Variants in GABRB2 observed in about 807,000 individuals in gnomAD.
The protein encoded by GABRB2 is gamma-aminobutyric acid receptor subunit beta-2.
In GABRB2, 16 loss-of-function variants were observed where a neutral mutation model predicts 54.7. That is an observed-to-expected ratio of 0.29 (90% confidence interval 0.20 to 0.44). GABRB2 has a LOEUF of 0.44. GABRB2 is among the 20% of genes least tolerant of loss of function. GABRB2 has a pLI of 1.00. For missense variants in GABRB2, 355 were observed against 644.0 expected (o/e 0.55, Z 4.86); for synonymous variants, 244 against 233.8 (o/e 1.04, Z -0.40).
chr5:161,363,263 C>A (rs1754871590), intron 5 of GABRB2, among the ~76,000 whole-genome samples: 1 of 152,082 alleles, frequency 6.6e-6, no homozygotes, highest in Admixed American at 6.5e-5. Flanking sequence ...TCATTTTCAG[C>A]AAACTAACAC....
At chr5:161,525,460 C>A (rs971489908) in intron 3 of GABRB2, among the ~76,000 whole-genome samples, 2 of 151,406 alleles carry the variant, frequency 1.3e-5, no homozygotes, top group East Asian at 3.9e-4. Context: ...AAAGTATTTT[C>A]TCTGTATTTT....
intron 3 of GABRB2, among the ~76,000 whole-genome samples, chr5:161,482,099 C>A (rs370471580): frequency 1.1e-4 from 16 of 152,034 alleles, no homozygotes; most frequent in African/African-American, 3.9e-4. Context: ...AAACTCCTTT[C>A]CCATTCTCAG....
intron 5 of GABRB2, among the ~76,000 whole-genome samples, chr5:161,370,417 G>A (rs1375690271): frequency 1.3e-5 from 2 of 152,250 alleles, no homozygotes; most frequent in East Asian, 1.9e-4. Context: ...GGAGAACTAC[G>A]TGACTTGGGA....
intron 3 of GABRB2, among the ~76,000 whole-genome samples, chr5:161,506,339 T>G (rs1759606178): frequency 1.3e-5 from 2 of 152,046 alleles, no homozygotes; most frequent in South Asian, 4.1e-4. Flanking sequence ...TCAGTGCAAA[T>G]AAGGTAAAAC....
At chr5:161,353,005 A>G (rs1754518931) in intron 5 of GABRB2, among the ~76,000 whole-genome samples, 1 of 152,160 alleles carries the variant, frequency 6.6e-6, no homozygotes, top group African/African-American at 2.4e-5. Flanking sequence ...GATACTGCTT[A>G]TATTTTCCAT....
At chr5:161,412,893 A>G (rs1359009725) in intron 4 of GABRB2, among the ~76,000 whole-genome samples, 1 of 152,064 alleles carries the variant, frequency 6.6e-6, no homozygotes, top group Non-Finnish European at 1.5e-5. Flanking sequence ...ATCTGAAATT[A>G]TTTTGCTTAT....
intron 9 of GABRB2, among the ~76,000 whole-genome samples, chr5:161,297,508 C>T (rs767845770): frequency 6.6e-6 from 1 of 152,120 alleles, no homozygotes; most frequent in Admixed American, 6.6e-5. Context: ...GTTCAACTCC[C>T]ACTTATGAGT....
chr5:161,469,590 C>T (rs545515536), intron 3 of GABRB2, among the ~76,000 whole-genome samples: 8 of 152,034 alleles, frequency 5.3e-5, no homozygotes, highest in East Asian at 1.9e-4. Context: ...CTTCACCTCA[C>T]CAGGAAATGT....
intron 5 of GABRB2, among the ~76,000 whole-genome samples, chr5:161,408,661 T>C (rs113188462): frequency 0.024 from 3,644 of 151,714 alleles, 145 homozygotes; most frequent in African/African-American, 0.082. Flanking sequence ...GTTAGGTTAA[T>C]TTTCATTTGC....
Position 161,481,806 on chromosome 5 carries a change from A to T in GABRB2, c.238-21962T>A, listed in dbSNP as rs1306754715. ...CTTTCAGGGCTTAATAAAAATGGAA[A>T]ATTCATAGTCTGGAACTAGAATGAC... On this transcript the variant is annotated intron_variant, in intron 3 of 9. Transcript: ENST00000393959. Among the ~76,000 whole-genome samples, 5 of 152,108 alleles carry T rather than the reference A, an allele frequency of 3.3e-5. No homozygotes were observed. In the South Asian group the frequency reaches 6.2e-4, roughly 19 times the overall value.
At chr5:161,428,938 A>G (rs1465759489) in intron 4 of GABRB2, among the ~76,000 whole-genome samples, 3 of 152,202 alleles carry the variant, frequency 2.0e-5, no homozygotes, top group African/African-American at 7.2e-5. Context: ...ACTGTTTGGC[A>G]TGGAAAAAGC....
At chr5:161,303,473 C>T (rs921870858) in intron 9 of GABRB2, among the ~76,000 whole-genome samples, 3 of 152,052 alleles carry the variant, frequency 2.0e-5, no homozygotes, top group African/African-American at 7.3e-5. Context: ...TCTTCTACTT[C>T]TGACACAAAA....
chr5:161,440,961 A>G (rs774539853), intron 4 of GABRB2, among the ~76,000 whole-genome samples: 1 of 152,210 alleles, frequency 6.6e-6, no homozygotes, highest in Non-Finnish European at 1.5e-5. Context: ...ATATACAAAA[A>G]TAAAATCAAA....
chr5:161,500,531 A>T (rs1405278801), intron 3 of GABRB2, among the ~76,000 whole-genome samples: 2 of 152,110 alleles, frequency 1.3e-5, no homozygotes, highest in East Asian at 3.9e-4. Context: ...CTTCTTTCTC[A>T]TTTCTGTTGT....
At chr5:161,490,701 A>G (rs1184617596) in intron 3 of GABRB2, among the ~76,000 whole-genome samples, 3 of 151,740 alleles carry the variant, frequency 2.0e-5, no homozygotes, top group Non-Finnish European at 4.4e-5. Flanking sequence ...AAAGCCTTAT[A>G]TAGTACTTGT....
intron 9 of GABRB2, among the ~76,000 whole-genome samples, chr5:161,302,025 T>C (rs543494513): frequency 2.4e-4 from 36 of 152,374 alleles, no homozygotes; most frequent in African/African-American, 8.7e-4. Context: ...AATTTTAAGA[T>C]GGACTGATTT....
intron 3 of GABRB2, among the ~76,000 whole-genome samples, chr5:161,517,074 C>T (rs892594981): frequency 6.6e-6 from 1 of 152,050 alleles, no homozygotes; most frequent in Non-Finnish European, 1.5e-5. Context: ...TCAGGGATTT[C>T]CTATGGTTTG....
chr5:161,449,678 C>T (rs1033565285), intron 4 of GABRB2, among the ~76,000 whole-genome samples: 8 of 151,992 alleles, frequency 5.3e-5, no homozygotes, highest in Non-Finnish European at 1.0e-4. Flanking sequence ...ATGAAAAAAC[C>T]GTGCCCTTAT....
At chr5:161,439,026 A>T (rs534560361) in intron 4 of GABRB2, among the ~76,000 whole-genome samples, 25 of 152,300 alleles carry the variant, frequency 1.6e-4, no homozygotes, top group Non-Finnish European at 2.5e-4. Context: ...ACCTAGAGAC[A>T]GATAATATCC....
Sources: allele counts gnomAD v4.1 joint callset (sites outside exome capture counted in the v4.1 genomes callset), GRCh38; gene constraint gnomAD v4.1.1; transcripts MANE v1.5; gene names NCBI Gene and HGNC (gene_info 2026-07-23, HGNC 2026-07-21).